The following NLGN1 variants were observed in gnomAD, a reference collection of about 807,000 sequenced individuals.
NLGN1 encodes the protein neuroligin 1, also known as neuroligin-1.
NLGN1 carries 12 observed loss-of-function variants against 65.5 expected under a neutral mutation model. The ratio of observed to expected loss-of-function variants is 0.18; its 90% CI spans 0.12 to 0.30. NLGN1 has a LOEUF of 0.30. Ranked by LOEUF, NLGN1 falls within the 10% of genes least tolerant of loss-of-function variation. The pLI is 1.00. For synonymous variants in NLGN1, 350 were observed against 359.5 expected, an observed-to-expected ratio of 0.97 and a Z score of 0.30; for missense variants, 750 against 1,007.1, an observed-to-expected ratio of 0.74 and a Z score of 3.46.
At chr3:173,517,542 A>G (rs1225241764) in intron 2 of NLGN1, among the ~76,000 whole-genome samples, 1 of 152,048 alleles carries the variant, frequency 6.6e-6, no homozygotes, top group Non-Finnish European at 1.5e-5. Context: ...ATATTTCACA[A>G]TATAAGTATA....
chr3:173,692,618 T>C (rs2149832044), intron 3 of NLGN1, among the ~76,000 whole-genome samples: 1 of 152,192 alleles, frequency 6.6e-6, no homozygotes, highest in Middle Eastern at 3.4e-3. Flanking sequence ...AGTGTTTATA[T>C]TGAGTATTTT....
chr3:174,228,341 T>A (rs1740097576), intron 4 of NLGN1, among the ~76,000 whole-genome samples: 1 of 152,114 alleles, frequency 6.6e-6, no homozygotes, highest in Non-Finnish European at 1.5e-5. Context: ...GCAAATCAAA[T>A]GGCATGCAAC....
intron 4 of NLGN1, among the ~76,000 whole-genome samples, chr3:174,019,129 G>T (rs923001289): frequency 6.6e-6 from 1 of 152,072 alleles, no homozygotes; most frequent in Admixed American, 6.6e-5. Flanking sequence ...ATTTAGGCAA[G>T]CAAATATATT....
At chr3:173,911,732 G>A (rs978835398) in intron 4 of NLGN1, among the ~76,000 whole-genome samples, 1 of 152,188 alleles carries the variant, frequency 6.6e-6, no homozygotes, top group Non-Finnish European at 1.5e-5. Context: ...AAAAGGAAGA[G>A]AGAGCATTGA....
chr3:173,643,892 CTT>C (rs1269965301), intron 3 of NLGN1, among the ~76,000 whole-genome samples: 1 of 152,076 alleles, frequency 6.6e-6, no homozygotes, highest in Non-Finnish European at 1.5e-5. Context: ...CCACACTTGA[CTT>C]TCTCTCTATT....
intron 3 of NLGN1, among the ~76,000 whole-genome samples, chr3:173,676,996 G>T (rs1763257794): frequency 1.3e-5 from 2 of 152,060 alleles, no homozygotes; most frequent in Non-Finnish European, 2.9e-5. Flanking sequence ...TGGGAAAATA[G>T]GTTCGGTGAT....
intron 4 of NLGN1, among the ~76,000 whole-genome samples, chr3:174,037,512 TC>T (rs1393518343): frequency 1.3e-5 from 2 of 152,088 alleles, no homozygotes; most frequent in Non-Finnish European, 2.9e-5. Context: ...CAATATAATA[TC>T]CCTCAAAGCA....
rs201637754 is a variant in NLGN1, at chr3:173,555,065, T to TTA, written c.-320-49212_-320-49211dup. Among the ~76,000 whole-genome samples, 614 of 152,310 alleles carry TTA rather than the reference T, an allele frequency of 4.0e-3. 18 individuals are homozygous for TTA. The South Asian group carries it at 0.053, about 13-fold the overall frequency. On this transcript the variant is annotated intron_variant, in intron 2 of 6. Coordinates refer to ENST00000457714, the Ensembl canonical transcript of NLGN1. ...CCATGTATATGTCTTATTTAATGAG[T>TTA]TATCTTTTCAAATATTTGCCCATTT... is the stretch of plus-strand genomic sequence containing the variant.
intron 4 of NLGN1, among the ~76,000 whole-genome samples, chr3:173,980,023 G>C (rs116452915): frequency 6.6e-6 from 1 of 151,892 alleles, no homozygotes; most frequent in African/African-American, 2.4e-5. Context: ...GAAACATGAC[G>C]TATTAAGAAC....
intron 1 of NLGN1, among the ~76,000 whole-genome samples, chr3:173,421,220 A>G (rs1714979717): frequency 1.3e-5 from 2 of 152,068 alleles, no homozygotes; most frequent in Non-Finnish European, 2.9e-5. Context: ...AAATAATCTT[A>G]AATGCCTAGA....
chr3:173,783,903 A>G (rs1781560627), intron 3 of NLGN1, among the ~76,000 whole-genome samples: 2 of 152,038 alleles, frequency 1.3e-5, no homozygotes, highest in Admixed American at 6.6e-5. Context: ...GCATGTTACA[A>G]TGTTTTTTTG....
At chr3:174,029,948 A>G (rs946597102) in intron 4 of NLGN1, among the ~76,000 whole-genome samples, 4 of 152,138 alleles carry the variant, frequency 2.6e-5, no homozygotes, top group Admixed American at 6.5e-5. Flanking sequence ...TCTTTCCTTT[A>G]TAAATTACCC....
intron 4 of NLGN1, among the ~76,000 whole-genome samples, chr3:173,875,052 T>A (rs1170027114): frequency 6.6e-6 from 1 of 152,198 alleles, no homozygotes; most frequent in African/African-American, 2.4e-5. Context: ...AATATACTAT[T>A]GGGGGTATAA....
chr3:174,090,590 G>A (rs1361961300), intron 4 of NLGN1, among the ~76,000 whole-genome samples: 1 of 152,158 alleles, frequency 6.6e-6, no homozygotes, highest in Non-Finnish European at 1.5e-5. Flanking sequence ...ACACTGAGAA[G>A]GTTGGTCATT....
At chr3:173,730,458 T>A (rs538890380) in intron 3 of NLGN1, among the ~76,000 whole-genome samples, 1 of 152,108 alleles carries the variant, frequency 6.6e-6, no homozygotes, top group South Asian at 2.1e-4. Context: ...TCCAAAATAT[T>A]ATCATTTCAA....
chr3:173,464,456 A>T (rs111954463), intron 2 of NLGN1, among the ~76,000 whole-genome samples: 2,255 of 123,464 alleles, frequency 0.018, 80 homozygotes, highest in African/African-American at 0.061. Context: ...TTTTTTGGAG[A>T]TGGAGTTTTG....
chr3:173,545,750 A>G (rs553185984), intron 2 of NLGN1, among the ~76,000 whole-genome samples: 1 of 152,202 alleles, frequency 6.6e-6, no homozygotes, highest in Non-Finnish European at 1.5e-5. Context: ...TACACCGTGG[A>G]ATACTATGCA....
chr3:173,988,355 C>A (rs937392046), intron 4 of NLGN1, among the ~76,000 whole-genome samples: 1 of 152,152 alleles, frequency 6.6e-6, no homozygotes, highest in Admixed American at 6.5e-5. Context: ...GTGTTAGATA[C>A]AAGCTCATTC....
chr3:173,610,560 T>C (rs1481383831), intron 3 of NLGN1, among the ~76,000 whole-genome samples: 1 of 151,874 alleles, frequency 6.6e-6, no homozygotes, highest in Non-Finnish European at 1.5e-5. Context: ...GACAACAAGG[T>C]TTAATTTATA....
Sources: allele counts gnomAD v4.1 joint callset (sites outside exome capture counted in the v4.1 genomes callset), GRCh38; gene constraint gnomAD v4.1.1; transcripts MANE v1.5; gene names NCBI Gene and HGNC (gene_info 2026-07-23, HGNC 2026-07-21).